DAAM2: variants seen among roughly 807,000 people sequenced by gnomAD.
DAAM2 encodes the protein dishevelled associated activator of morphogenesis 2.
In DAAM2, 39 loss-of-function variants were observed where a neutral mutation model predicts 120.7. That is an observed-to-expected ratio of 0.32 (90% confidence interval 0.25 to 0.42). DAAM2 has a LOEUF of 0.42. Ranked by LOEUF, DAAM2 falls within the 10% of genes least tolerant of loss-of-function variation. The pLI is 1.00. For missense variants in DAAM2, 1,283 were observed against 1,401.7 expected, an observed-to-expected ratio of 0.92 and a Z score of 1.35; for synonymous variants, 488 against 524.9, an observed-to-expected ratio of 0.93 and a Z score of 0.96.
intron 1 of DAAM2, among the ~76,000 whole-genome samples, chr6:39,826,237 G>T (rs776413616): frequency 5.9e-5 from 9 of 152,090 alleles, no homozygotes; most frequent in Non-Finnish European, 8.8e-5. Flanking sequence ...GGTATAACTA[G>T]TTCAAATAAC....
At chr6:39,825,346 G>A (rs1187842874) in intron 1 of DAAM2, among the ~76,000 whole-genome samples, 1 of 147,684 alleles carries the variant, frequency 6.8e-6, no homozygotes, top group Non-Finnish European at 1.5e-5. Flanking sequence ...CTGAGATTGC[G>A]CCACTGCACT....
intron 1 of DAAM2, among the ~76,000 whole-genome samples, chr6:39,852,972 C>T (rs945815511): frequency 6.6e-6 from 1 of 152,202 alleles, no homozygotes; most frequent in Non-Finnish European, 1.5e-5. Context: ...GATTTCTAAA[C>T]TAAGCTATAG....
At chr6:39,805,744 G>A (rs1024387196) in intron 1 of DAAM2, among the ~76,000 whole-genome samples, 12 of 151,908 alleles carry the variant, frequency 7.9e-5, no homozygotes, top group African/African-American at 2.2e-4. Flanking sequence ...TAGTAGAGAC[G>A]GGGTTTCACC....
At chr6:39,894,020 T>C (rs1450383256) in intron 19 of DAAM2, among the ~76,000 whole-genome samples, 1 of 152,138 alleles carries the variant, frequency 6.6e-6, no homozygotes, top group Admixed American at 6.5e-5. Context: ...AACTTACAAT[T>C]CTTGAATATA....
chr6:39,842,547 C>T (rs1005008033), intron 1 of DAAM2, among the ~76,000 whole-genome samples: 12 of 152,146 alleles, frequency 7.9e-5, no homozygotes, highest in South Asian at 6.2e-4. Context: ...GCAGGAGAAT[C>T]GCTTGAACCC....
At chr6:39,817,108 C>T (rs923713983) in intron 1 of DAAM2, among the ~76,000 whole-genome samples, 1 of 152,190 alleles carries the variant, frequency 6.6e-6, no homozygotes, top group African/African-American at 2.4e-5. Flanking sequence ...GATGCACTTA[C>T]ACAACTGTGG....
At chr6:39,882,908 C>T (rs542510306) in intron 14 of DAAM2, among the ~76,000 whole-genome samples, 3 of 152,142 alleles carry the variant, frequency 2.0e-5, no homozygotes, top group South Asian at 4.2e-4. Flanking sequence ...TCTGGCCTAG[C>T]CTCCCCTTTC....
chr6:39,820,425 T>A (rs1444786385), intron 1 of DAAM2: 1 of 152,220 alleles, frequency 6.6e-6, no homozygotes, highest in Non-Finnish European at 1.5e-5. Flanking sequence ...CTCAAATAGA[T>A]TTAATCATAG....
At position 39,891,711 on chromosome 6, in the gene DAAM2, C is replaced by T; in HGVS notation, c.2330C>T (p.Pro777Leu). 1 of 1,602,598 alleles carries T rather than the reference C, an allele frequency of 6.2e-7. No individual in the cohort carries two copies. The highest frequency in any genetic ancestry group is 8.5e-7 in the Non-Finnish European group (1 of 1,174,620). Reference sequence around the variant, plus strand: ...CAGGAGCGGCTGGCTGAGGCAAAGCCCAAAGTGGAAGGTAGGGCTGAGGGT... The same window carrying T: ...CAGGAGCGGCTGGCTGAGGCAAAGCTCAAAGTGGAAGGTAGGGCTGAGGGT... ...KFQERLAEAK[P>L]KVEAILLASR... The change falls in exon 19 of 25, where the codon CCC becomes CTC. Residue 777 changes from proline (P) to leucine (L), a missense_variant. Transcript: ENST00000274867.
At chr6:39,809,996 A>G (rs1762116551) in intron 1 of DAAM2, among the ~76,000 whole-genome samples, 1 of 152,126 alleles carries the variant, frequency 6.6e-6, no homozygotes. Flanking sequence ...TCATTGCTTC[A>G]TGGTTACAAT....
chr6:39,806,706 G>A (rs74873751), intron 1 of DAAM2, among the ~76,000 whole-genome samples: 1 of 152,082 alleles, frequency 6.6e-6, no homozygotes, highest in Non-Finnish European at 1.5e-5. Context: ...CTTAAAGCAT[G>A]TAAATGTAAT....
chr6:39,850,406 A>G (rs1763764995), intron 1 of DAAM2, among the ~76,000 whole-genome samples: 2 of 151,954 alleles, frequency 1.3e-5, no homozygotes, highest in African/African-American at 4.8e-5. Flanking sequence ...GGGCTGCCCA[A>G]ACACCTCGTT....
At chr6:39,896,698 A>G in intron 19 of DAAM2, 114 bp from the exon 20 acceptor site, 1 of 849,844 alleles carries the variant, frequency 1.2e-6, no homozygotes, top group Non-Finnish European at 1.7e-6. Flanking sequence ...CTGAGAGTTG[A>G]AGGCATTTGA....
At chr6:39,886,719 G>A (rs1765396897) in intron 15 of DAAM2, 1 of 362,196 alleles carries the variant, frequency 2.8e-6, no homozygotes, top group East Asian at 4.0e-5. Flanking sequence ...CAGGCCAAAG[G>A]AGAGCCTTTC....
intron 1 of DAAM2, among the ~76,000 whole-genome samples, chr6:39,814,613 A>G (rs757558227): frequency 1.3e-5 from 2 of 152,196 alleles, no homozygotes; most frequent in Non-Finnish European, 1.5e-5. Context: ...CTTTCTCCTA[A>G]CCACTGTCCT....
At chr6:39,867,203 G>A (rs1029794206) in intron 5 of DAAM2, 4 of 350,078 alleles carry the variant, frequency 1.1e-5, no homozygotes, top group Non-Finnish European at 2.1e-5. Flanking sequence ...CCTCACTGGA[G>A]AGGAGTGTTC....
intron 15 of DAAM2, chr6:39,885,795 T>A (rs3003940): frequency 0.53 from 81,294 of 152,064 alleles, 22,300 homozygotes; most frequent in South Asian, 0.64. Context: ...GGGGAGGTCC[T>A]GGGAGTCATG....
chr6:39,845,232 G>A (rs111066565), intron 1 of DAAM2, among the ~76,000 whole-genome samples: 3,939 of 17,150 alleles, frequency 0.23, 129 homozygotes, highest in African/African-American at 0.39. Context: ...ATCCACACAT[G>A]CTCATACATT....
chr6:39,832,803 C>G (rs1015109180), intron 1 of DAAM2, among the ~76,000 whole-genome samples: 1 of 152,192 alleles, frequency 6.6e-6, no homozygotes, highest in Non-Finnish European at 1.5e-5. Flanking sequence ...CTGCTTGGGC[C>G]TCTGTGCTGA....
Sources: gnomAD v4.1 joint callset for allele counts (sites outside exome capture counted in the v4.1 genomes callset) on GRCh38, gnomAD v4.1.1 for gene constraint, MANE v1.5 for transcripts, NCBI Gene and HGNC (gene_info 2026-07-23, HGNC 2026-07-21) for gene names.